AOAH: variants seen among roughly 807,000 people sequenced by gnomAD.
The protein encoded by AOAH is acyloxyacyl hydrolase.
Under a neutral mutation model 92.2 loss-of-function variants are expected in AOAH, and 64 were observed. That is an observed-to-expected ratio of 0.69 (90% confidence interval 0.57 to 0.86). The LOEUF (loss-of-function observed/expected upper bound fraction) is 0.86, where lower values mean the gene tolerates loss of function less well. Ranked by LOEUF, AOAH falls within the 40% of genes least tolerant of loss-of-function variation. The probability of loss-of-function intolerance (pLI) is 0.00; values close to 1 mark genes in which losing one functional copy is unlikely to be tolerated. For missense variants in AOAH, 656 were observed against 694.6 expected (o/e 0.94, Z 0.62); for synonymous variants, 263 against 254.5 (o/e 1.03, Z -0.32).
chr7:36,659,483 G>C (rs1321036983), intron 3 of AOAH, among the ~76,000 whole-genome samples: 1 of 152,184 alleles, frequency 6.6e-6, no homozygotes, highest in Non-Finnish European at 1.5e-5. Flanking sequence ...TAAAGGCGAG[G>C]ATGGGGCATG....
chr7:36,542,363 C>A (rs565752308), intron 15 of AOAH, among the ~76,000 whole-genome samples: 1 of 152,146 alleles, frequency 6.6e-6, no homozygotes, highest in East Asian at 1.9e-4. Context: ...TACATGTCTG[C>A]GTTTTGAGTC....
intron 16 of AOAH, among the ~76,000 whole-genome samples, chr7:36,536,645 G>T (rs1377001710): frequency 6.6e-6 from 1 of 152,108 alleles, no homozygotes. Context: ...TCCCAGGGTT[G>T]TTTTAAGAAT....
At chr7:36,613,192 C>G (rs901875450) in intron 11 of AOAH, among the ~76,000 whole-genome samples, 1 of 152,184 alleles carries the variant, frequency 6.6e-6, no homozygotes, top group African/African-American at 2.4e-5. Flanking sequence ...GCTTGCCATA[C>G]AGCACTTTCA....
At chr7:36,543,608 C>T (rs1785568741) in intron 15 of AOAH, among the ~76,000 whole-genome samples, 2 of 150,316 alleles carry the variant, frequency 1.3e-5, no homozygotes, top group African/African-American at 4.9e-5. Flanking sequence ...GAGGCACAGC[C>T]CTGATGCTAA....
chr7:36,714,034 T>A (rs1264756046), intron 1 of AOAH, among the ~76,000 whole-genome samples: 1 of 152,022 alleles, frequency 6.6e-6, no homozygotes, highest in African/African-American at 2.4e-5. Flanking sequence ...CAATGAATCC[T>A]GGAGCTGGTT....
At position 36,542,947 on chromosome 7, in the gene AOAH, C is replaced by T. The variant is rs866999573; in HGVS notation, c.1134-2456G>A. 9.2e-5 allele frequency among the ~76,000 whole-genome samples: 14 copies of T among 151,966 alleles called. 1 individual carries two copies. The highest frequency in any genetic ancestry group is 2.9e-4 in the African/African-American group (12 of 41,366). On this transcript the variant is annotated intron_variant, in intron 15 of 20. Coordinates refer to ENST00000617537, the MANE Select transcript of AOAH (RefSeq NM_001637.4). ...TGTATGTATTAATATAGAAAGATGGCTAAAAAGTATTAAAGTATTGTTGAC... is the reference window on the plus strand; with the variant it reads ...TGTATGTATTAATATAGAAAGATGGTTAAAAAGTATTAAAGTATTGTTGAC...
At chr7:36,594,881 C>T (rs1789996250) in intron 11 of AOAH, among the ~76,000 whole-genome samples, 1 of 152,094 alleles carries the variant, frequency 6.6e-6, no homozygotes, top group Admixed American at 6.5e-5. Context: ...AGGTGGTGCC[C>T]TCTGACCTTC....
chr7:36,630,573 C>T (rs1793005257), intron 6 of AOAH, among the ~76,000 whole-genome samples: 1 of 152,124 alleles, frequency 6.6e-6, no homozygotes, highest in Non-Finnish European at 1.5e-5. Flanking sequence ...GGTCTAAGGG[C>T]CTAAGAATTC....
At chr7:36,590,820 T>G (rs1478609299) in intron 12 of AOAH, among the ~76,000 whole-genome samples, 2 of 152,270 alleles carry the variant, frequency 1.3e-5, no homozygotes, top group African/African-American at 2.4e-5. Flanking sequence ...GTCAACATTC[T>G]TTTCATTTTC....
chr7:36,698,777 A>G (rs554558585), intron 1 of AOAH, among the ~76,000 whole-genome samples: 111 of 152,304 alleles, frequency 7.3e-4, no homozygotes, highest in Non-Finnish European at 8.1e-4. Context: ...GATATCTATC[A>G]TCTTAAAAAT....
chr7:36,621,686 T>C lies in AOAH; in HGVS notation c.653+24A>G, dbSNP rs767578624. 3.7e-6 allele frequency: 6 copies of C among 1,612,082 alleles called. No individual in the cohort carries two copies. In the South Asian group the frequency reaches 6.6e-5, roughly 18 times the overall value. Reference sequence around the variant, plus strand: ...CCTTTTCTGAAGATAATTTTAAAAATCAGCAACCAGCAGAAATAGTTACCT... The same window carrying C: ...CCTTTTCTGAAGATAATTTTAAAAACCAGCAACCAGCAGAAATAGTTACCT... On this transcript the variant is annotated intron_variant, in intron 8 of 20. Transcript: ENST00000617537.
In AOAH at chr7:36,569,587, CTAT is replaced by C. The variant is rs1787978247; in HGVS notation, c.1021+6984_1021+6986del. ...TTTACATATCTATCTATCTATCTATCTATCTATCTATCTATCTATCTATCTATC... is the reference window on the plus strand; with the variant it reads ...TTTACATATCTATCTATCTATCTATCCTATCTATCTATCTATCTATCTATC... On this transcript the variant is annotated intron_variant, in intron 13 of 20. Coordinates refer to ENST00000617537, the MANE Select transcript of AOAH (RefSeq NM_001637.4). Among the ~76,000 whole-genome samples the C allele has an allele frequency of 2.7e-5, 4 of 150,828 alleles. No individual in the cohort carries two copies. The South Asian group carries it at 8.4e-4, about 32-fold the overall frequency.
intron 15 of AOAH, among the ~76,000 whole-genome samples, chr7:36,547,583 C>T (rs1304732425): frequency 2.0e-5 from 3 of 152,138 alleles, no homozygotes; most frequent in African/African-American, 4.8e-5. Flanking sequence ...AATCGTGAAC[C>T]TCGTTTGGCC....
chr7:36,700,518 C>A (rs1338645057), intron 1 of AOAH, among the ~76,000 whole-genome samples: 10 of 152,044 alleles, frequency 6.6e-5, no homozygotes, highest in Admixed American at 6.6e-4. Context: ...TTTTTTATGG[C>A]TGAATAGTAT....
chr7:36,600,717 A>G (rs1019478060), intron 11 of AOAH, among the ~76,000 whole-genome samples: 8 of 152,076 alleles, frequency 5.3e-5, no homozygotes, highest in Admixed American at 5.2e-4. Context: ...TTTGCCCCCA[A>G]GCTGCCAAAT....
At chr7:36,697,634 T>C (rs1238131134) in intron 1 of AOAH, among the ~76,000 whole-genome samples, 2 of 152,226 alleles carry the variant, frequency 1.3e-5, no homozygotes, top group Non-Finnish European at 2.9e-5. Context: ...CAGAGTTTAC[T>C]AGTGAAGCCA....
chr7:36,630,482 A>G (rs2116214731), intron 6 of AOAH, among the ~76,000 whole-genome samples: 1 of 152,322 alleles, frequency 6.6e-6, no homozygotes, highest in East Asian at 1.9e-4. Context: ...CATCACTTGT[A>G]TGTGTAGCAT....
intron 3 of AOAH, among the ~76,000 whole-genome samples, chr7:36,670,263 C>T (rs1205220198): frequency 6.6e-6 from 1 of 152,142 alleles, no homozygotes; most frequent in African/African-American, 2.4e-5. Flanking sequence ...TTCAGGCTCT[C>T]CATCAATCTC....
At chr7:36,568,799 T>C (rs1025201112) in intron 13 of AOAH, among the ~76,000 whole-genome samples, 1 of 152,066 alleles carries the variant, frequency 6.6e-6, no homozygotes, top group Non-Finnish European at 1.5e-5. Context: ...TTGCATATGC[T>C]GGCCTGAATT....
Sources: allele counts gnomAD v4.1 joint callset (sites outside exome capture counted in the v4.1 genomes callset), GRCh38; gene constraint gnomAD v4.1.1; transcripts MANE v1.5; gene names NCBI Gene and HGNC (gene_info 2026-07-23, HGNC 2026-07-21).